The following ARHGEF28 variants were observed in gnomAD, a reference collection of about 807,000 sequenced individuals.
The protein encoded by ARHGEF28 is 190 kDa guanine nucleotide exchange factor.
In ARHGEF28, 152 loss-of-function variants were observed where a neutral mutation model predicts 206.6. That is an observed-to-expected ratio of 0.74 (90% CI 0.64 to 0.84). The LOEUF is 0.84. ARHGEF28 is among the 40% of genes least tolerant of loss of function. ARHGEF28 has a pLI of 0.00. For synonymous variants in ARHGEF28, 763 were observed against 776.4 expected (o/e 0.98, Z 0.29); for missense variants, 2,028 against 2,073.2 (o/e 0.98, Z 0.42).
At chr5:73,792,099 T>C (rs7705146) in intron 7 of ARHGEF28, among the ~76,000 whole-genome samples, 10,876 of 152,280 alleles carry the variant, frequency 0.071, 849 homozygotes, top group African/African-American at 0.18. Context: ...CTAGGTTAAT[T>C]AAAGATACAT....
At chr5:73,919,978 G>A (rs1193804436) in intron 35 of ARHGEF28, among the ~76,000 whole-genome samples, 1 of 152,208 alleles carries the variant, frequency 6.6e-6, no homozygotes, top group Non-Finnish European at 1.5e-5. Flanking sequence ...CCAGCAGCAA[G>A]TAGTGTTTGA....
At chr5:73,676,391 A>G (rs1420057571) in intron 1 of ARHGEF28, among the ~76,000 whole-genome samples, 1 of 151,940 alleles carries the variant, frequency 6.6e-6, no homozygotes, top group Admixed American at 6.6e-5. Context: ...ACCTGCCACC[A>G]CACCCAGCTA....
intron 1 of ARHGEF28, among the ~76,000 whole-genome samples, chr5:73,661,758 T>C (rs944830181): frequency 2.6e-5 from 4 of 152,134 alleles, no homozygotes; most frequent in African/African-American, 9.7e-5. Context: ...ATTTATTCAA[T>C]TCACCATATT....
At chr5:73,684,492 T>C (rs1262279667) in intron 1 of ARHGEF28, among the ~76,000 whole-genome samples, 2 of 152,158 alleles carry the variant, frequency 1.3e-5, no homozygotes, top group Non-Finnish European at 2.9e-5. Context: ...GACATTTGGG[T>C]TTTTCTATCT....
chr5:73,853,851 T>C (rs78680244), intron 14 of ARHGEF28, among the ~76,000 whole-genome samples: 8,980 of 152,266 alleles, frequency 0.059, 845 homozygotes, highest in African/African-American at 0.2. Flanking sequence ...AATGGATTGT[T>C]ATCAAGAATT....
At chr5:73,768,598 C>A (rs1369240089) in intron 4 of ARHGEF28, among the ~76,000 whole-genome samples, 1 of 152,118 alleles carries the variant, frequency 6.6e-6, no homozygotes, top group Non-Finnish European at 1.5e-5. Context: ...ATGCCTGTAA[C>A]CCCATTGTAT....
chr5:73,882,741 G>T, intron 23 of ARHGEF28, 147 bp downstream of exon 23: 1 of 755,630 alleles, frequency 1.3e-6, no homozygotes, highest in Non-Finnish European at 2.0e-6. Context: ...TGACAAAGGT[G>T]GAAAGTCTCT....
At chr5:73,761,452 G>A (rs1752596093) in intron 4 of ARHGEF28, among the ~76,000 whole-genome samples, 1 of 152,136 alleles carries the variant, frequency 6.6e-6, no homozygotes, top group Admixed American at 6.5e-5. Context: ...GAGATCTGGG[G>A]AGGAGAGTGA....
intron 8 of ARHGEF28, among the ~76,000 whole-genome samples, 197 bp downstream of exon 8, chr5:73,794,651 G>T (rs932490632): frequency 6.8e-6 from 1 of 147,904 alleles, no homozygotes; most frequent in Non-Finnish European, 1.5e-5. Flanking sequence ...CTGTCACCCA[G>T]GCTGGAGTAC....
chr5:73,712,075 A>G (rs760574317), intron 2 of ARHGEF28, among the ~76,000 whole-genome samples: 4 of 152,120 alleles, frequency 2.6e-5, no homozygotes, highest in Non-Finnish European at 5.9e-5. Context: ...TAGTCTGCTA[A>G]GATGGTGAAT....
chr5:73,880,772 A>C (rs1194615525), intron 22 of ARHGEF28, among the ~76,000 whole-genome samples: 2 of 152,122 alleles, frequency 1.3e-5, no homozygotes, highest in African/African-American at 4.8e-5. Context: ...GTCTCTACAA[A>C]AAATACAAAA....
chr5:73,704,478 G>A (rs147251342), intron 2 of ARHGEF28, among the ~76,000 whole-genome samples: 3,643 of 152,200 alleles, frequency 0.024, 60 homozygotes, highest in Non-Finnish European at 0.032. Context: ...AGGCTGGAGT[G>A]CAGTGGAGCG....
At chr5:73,639,476 A>G (rs1285776011) in intron 1 of ARHGEF28, among the ~76,000 whole-genome samples, 1 of 151,896 alleles carries the variant, frequency 6.6e-6, no homozygotes, top group Non-Finnish European at 1.5e-5. Context: ...ATATATATGC[A>G]CACCATAACT....
intron 2 of ARHGEF28, among the ~76,000 whole-genome samples, chr5:73,741,375 G>A (rs868696987): frequency 3.1e-5 from 2 of 63,840 alleles, no homozygotes; most frequent in Non-Finnish European, 6.8e-5. Context: ...GTGTGTGTGT[G>A]TGTGTGTGTG....
At chr5:73,907,817 A>G (rs1024995331) in intron 33 of ARHGEF28, among the ~76,000 whole-genome samples, 2 of 152,362 alleles carry the variant, frequency 1.3e-5, no homozygotes, top group Middle Eastern at 3.4e-3. Flanking sequence ...AAGGGAAAAG[A>G]ATGGCCTTAT....
chr5:73,738,517 G>GTGTGTA (rs1554058459), intron 2 of ARHGEF28, among the ~76,000 whole-genome samples: 1 of 144,646 alleles, frequency 6.9e-6, no homozygotes, highest in African/African-American at 2.5e-5. Context: ...GTGTGTGTGT[G>GTGTGTA]TATGTATGTG....
At chr5:73,629,317 G>A (rs1311421175) in intron 1 of ARHGEF28, among the ~76,000 whole-genome samples, 1 of 151,890 alleles carries the variant, frequency 6.6e-6, no homozygotes, top group Non-Finnish European at 1.5e-5. Context: ...GGGCAACATG[G>A]CAAAACCCTG....
chr5:73,680,645 T>C (rs1448697953), intron 1 of ARHGEF28, among the ~76,000 whole-genome samples: 1 of 151,886 alleles, frequency 6.6e-6, no homozygotes, highest in Non-Finnish European at 1.5e-5. Flanking sequence ...CACCACCTGT[T>C]TCTCCAAAAA....
chr5:73,833,359 T>C (rs1466126421), intron 10 of ARHGEF28, among the ~76,000 whole-genome samples: 2 of 152,194 alleles, frequency 1.3e-5, no homozygotes, highest in Non-Finnish European at 2.9e-5. Context: ...TCTAAACTTT[T>C]TTTTTTTCCA....
Sources: allele counts gnomAD v4.1 joint callset (sites outside exome capture counted in the v4.1 genomes callset), GRCh38; gene constraint gnomAD v4.1.1; transcripts MANE v1.5; gene names NCBI Gene and HGNC (gene_info 2026-07-23, HGNC 2026-07-21).